Variants in MYO1D observed in about 807,000 individuals in gnomAD.
MYO1D encodes the protein unconventional myosin-Id.
Under a neutral mutation model 122.0 loss-of-function variants are expected in MYO1D, and 83 were observed. The ratio of observed to expected loss-of-function variants is 0.68; its 90% CI spans 0.57 to 0.82. The LOEUF is 0.82. Among genes scored for constraint, MYO1D ranks in the 40% least tolerant of loss-of-function variants. The probability of loss-of-function intolerance (pLI) is 0.00; values close to 1 mark genes in which losing one functional copy is unlikely to be tolerated. For synonymous variants in MYO1D, 464 were observed against 446.9 expected, an observed-to-expected ratio of 1.04 and a Z score of -0.48; for missense variants, 1,157 against 1,269.5, an observed-to-expected ratio of 0.91 and a Z score of 1.35.
At chr17:32,605,621 A>C (rs1316774878) in intron 20 of MYO1D, among the ~76,000 whole-genome samples, 1 of 152,212 alleles carries the variant, frequency 6.6e-6, no homozygotes, top group African/African-American at 2.4e-5. Context: ...AAGATCAATA[A>C]AATTGATAAA....
chr17:32,584,068 T>C (rs1314538189), intron 21 of MYO1D, among the ~76,000 whole-genome samples: 1 of 152,126 alleles, frequency 6.6e-6, no homozygotes, highest in Non-Finnish European at 1.5e-5. Flanking sequence ...CCTCCCAAAG[T>C]GCTGGGATTA....
At chr17:32,838,138 T>C (rs942673736) in intron 1 of MYO1D, among the ~76,000 whole-genome samples, 1 of 152,164 alleles carries the variant, frequency 6.6e-6, no homozygotes, top group Non-Finnish European at 1.5e-5. Flanking sequence ...TCCCTATAAA[T>C]ATTCATGTCA....
chr17:32,647,437 A>T (rs2088310839), intron 19 of MYO1D, among the ~76,000 whole-genome samples: 1 of 152,248 alleles, frequency 6.6e-6, no homozygotes, highest in African/African-American at 2.4e-5. Context: ...TTAATCCAGC[A>T]GGACCCAGGT....
At chr17:32,549,079 C>T (rs549237936) in intron 21 of MYO1D, among the ~76,000 whole-genome samples, 10 of 152,214 alleles carry the variant, frequency 6.6e-5, no homozygotes, top group African/African-American at 1.7e-4. Context: ...ATATGTTACA[C>T]AAAATGCATA....
chr17:32,768,144 C>G (rs2090077698), intron 6 of MYO1D, among the ~76,000 whole-genome samples: 1 of 152,210 alleles, frequency 6.6e-6, no homozygotes. Flanking sequence ...GTTTGTGGCT[C>G]TTTGTTCCAC....
At chr17:32,563,206 CTTTTTTT>C (rs1279675450) in intron 21 of MYO1D, among the ~76,000 whole-genome samples, 2 of 95,984 alleles carry the variant, frequency 2.1e-5, no homozygotes, top group Non-Finnish European at 2.0e-5. Flanking sequence ...TTTCTTCTCT[CTTTTTTT>C]TTTTTTTTTT....
chr17:32,733,924 T>G (rs1326465062), intron 14 of MYO1D, among the ~76,000 whole-genome samples: 1 of 152,202 alleles, frequency 6.6e-6, no homozygotes, highest in Non-Finnish European at 1.5e-5. Context: ...TTCATATATT[T>G]TTGAGGTCTT....
chr17:32,760,070 T>C (rs1287231059), intron 10 of MYO1D: 4 of 702,650 alleles, frequency 5.7e-6, no homozygotes, highest in Non-Finnish European at 1.0e-5. Flanking sequence ...TTACTGGTTC[T>C]AACTCAGGAT....
chr17:32,560,010 A>G (rs2087103282), intron 21 of MYO1D, among the ~76,000 whole-genome samples: 1 of 152,106 alleles, frequency 6.6e-6, no homozygotes, highest in Non-Finnish European at 1.5e-5. Context: ...TAATCCCAGC[A>G]CTTTGGGAGG....
At chr17:32,614,989 C>G (rs1332470044) in intron 20 of MYO1D, among the ~76,000 whole-genome samples, 1 of 152,238 alleles carries the variant, frequency 6.6e-6, no homozygotes, top group Non-Finnish European at 1.5e-5. Flanking sequence ...CTAATGGAGG[C>G]CCTAGACATT....
intron 1 of MYO1D, among the ~76,000 whole-genome samples, chr17:32,803,055 A>G (rs916534875): frequency 1.3e-4 from 20 of 152,196 alleles, no homozygotes; most frequent in African/African-American, 4.8e-4. Context: ...GGGCTGTGAG[A>G]AGCATGAGCC....
intron 21 of MYO1D, among the ~76,000 whole-genome samples, chr17:32,535,776 A>T (rs12950407): frequency 0.032 from 4,927 of 152,202 alleles, 237 homozygotes; most frequent in African/African-American, 0.11. Flanking sequence ...AACAAAACAA[A>T]AATCGTACTT....
chr17:32,657,280 C>G (rs1229464159), intron 17 of MYO1D, among the ~76,000 whole-genome samples: 2 of 152,238 alleles, frequency 1.3e-5, no homozygotes, highest in Admixed American at 6.5e-5. Flanking sequence ...ATACATCTCT[C>G]TCTGTATTCC....
chr17:32,688,404 G>T (rs1017020128), intron 16 of MYO1D, among the ~76,000 whole-genome samples: 35 of 152,240 alleles, frequency 2.3e-4, no homozygotes, highest in African/African-American at 8.4e-4. Flanking sequence ...AAAACTAACA[G>T]CAGGCACATT....
intron 16 of MYO1D, among the ~76,000 whole-genome samples, chr17:32,676,152 T>A (rs1018346660): frequency 2.6e-4 from 40 of 152,292 alleles, no homozygotes; most frequent in African/African-American, 9.4e-4. Flanking sequence ...CAAAACAGAA[T>A]TGCTGTTGTA....
chr17:32,744,141 C>A (rs1010532086), intron 13 of MYO1D, among the ~76,000 whole-genome samples: 9 of 152,148 alleles, frequency 5.9e-5, no homozygotes, highest in African/African-American at 2.2e-4. Flanking sequence ...TCTTTCCATC[C>A]CTCACTCTGT....
At chr17:32,708,418 A>T (rs1486424950) in intron 16 of MYO1D, among the ~76,000 whole-genome samples, 1 of 152,146 alleles carries the variant, frequency 6.6e-6, no homozygotes, top group African/African-American at 2.4e-5. Flanking sequence ...AATGAGCATA[A>T]TTTATTTATA....
At chr17:32,563,278 T>C (rs2087143809) in intron 21 of MYO1D, among the ~76,000 whole-genome samples, 1 of 144,058 alleles carries the variant, frequency 6.9e-6, no homozygotes, top group African/African-American at 2.6e-5. Flanking sequence ...GGCACAATCC[T>C]GGCTCACAGC....
chr17:32,739,704 T>C (rs1160527262), intron 13 of MYO1D, among the ~76,000 whole-genome samples: 1 of 152,174 alleles, frequency 6.6e-6, no homozygotes, highest in Non-Finnish European at 1.5e-5. Context: ...CTAATTGCTC[T>C]TACTACTGCT....
Sources: gnomAD v4.1 joint callset for allele counts (sites outside exome capture counted in the v4.1 genomes callset) on GRCh38, gnomAD v4.1.1 for gene constraint, MANE v1.5 for transcripts, NCBI Gene and HGNC (gene_info 2026-07-23, HGNC 2026-07-21) for gene names.